AKT3: variants seen among roughly 807,000 people sequenced by gnomAD.
AKT3 encodes RAC-gamma serine/threonine-protein kinase.
In AKT3, 15 loss-of-function variants were observed where a neutral mutation model predicts 65.3. That is an observed-to-expected ratio of 0.23 (90% CI 0.15 to 0.35). The LOEUF (loss-of-function observed/expected upper bound fraction) is 0.35, where lower values mean the gene tolerates loss of function less well. Ranked by LOEUF, AKT3 falls within the 10% of genes least tolerant of loss-of-function variation. The probability of loss-of-function intolerance (pLI) is 1.00; values close to 1 mark genes in which losing one functional copy is unlikely to be tolerated. For missense variants in AKT3, 243 were observed against 576.5 expected, an observed-to-expected ratio of 0.42 and a Z score of 5.92; for synonymous variants, 206 against 183.8, an observed-to-expected ratio of 1.12 and a Z score of -0.98.
chr1:243,835,484 GAAC>G (rs1441575256), intron 2 of AKT3, among the ~76,000 whole-genome samples: 1 of 151,788 alleles, frequency 6.6e-6, no homozygotes, highest in Non-Finnish European at 1.5e-5. Flanking sequence ...CACTACCTTA[GAAC>G]AATACCTAAA....
At chr1:243,660,887 A>C (rs1202071527) in intron 4 of AKT3, among the ~76,000 whole-genome samples, 1 of 152,260 alleles carries the variant, frequency 6.6e-6, no homozygotes, top group Non-Finnish European at 1.5e-5. Flanking sequence ...ATCAATGTAC[A>C]GAAATCACAA....
intron 10 of AKT3, among the ~76,000 whole-genome samples, chr1:243,553,688 A>T (rs1673224851): frequency 6.6e-6 from 1 of 152,184 alleles, no homozygotes; most frequent in Non-Finnish European, 1.5e-5. Flanking sequence ...TATTACACGT[A>T]AAATAAATTT....
At chr1:243,527,897 A>AAG (rs1315746479) in intron 12 of AKT3, among the ~76,000 whole-genome samples, 27 of 109,586 alleles carry the variant, frequency 2.5e-4, no homozygotes, top group African/African-American at 9.6e-4. Context: ...ACACACACAC[A>AAG]CACACACACA....
At chr1:243,542,107 C>CT (rs1421608353) in intron 12 of AKT3, among the ~76,000 whole-genome samples, 4 of 152,164 alleles carry the variant, frequency 2.6e-5, no homozygotes, top group African/African-American at 9.7e-5. Flanking sequence ...TCAGCTCTTC[C>CT]TAAATTTATC....
intron 8 of AKT3, among the ~76,000 whole-genome samples, chr1:243,613,192 C>T (rs1678030847): frequency 2.0e-5 from 3 of 149,208 alleles, no homozygotes; most frequent in Non-Finnish European, 4.5e-5. Flanking sequence ...TATACATACA[C>T]ACACACACAT....
Position 243,623,771 on chromosome 1 carries a change from T to C in AKT3, c.562-8610A>G, listed in dbSNP as rs533480763. On this transcript the variant is annotated intron_variant, in intron 6 of 13. Transcript: ENST00000673466. ...CATCCCAAGGTCTCCAGCTTCCAGA[T>C]GGCCTGTCTTGGGAATTTTCAACCT... Among the ~76,000 whole-genome samples the C allele has an allele frequency of 3.9e-5, 6 of 152,310 alleles. No individual in the cohort carries two copies. The East Asian group carries it at 1.2e-3, about 29-fold the overall frequency.
At chr1:243,721,406 A>T (rs971637018) in intron 2 of AKT3, among the ~76,000 whole-genome samples, 1 of 152,158 alleles carries the variant, frequency 6.6e-6, no homozygotes, top group Admixed American at 6.5e-5. Context: ...CTATTTCTAC[A>T]TAGCTGTCCA....
intron 10 of AKT3, among the ~76,000 whole-genome samples, chr1:243,558,579 AT>A (rs1409061975): frequency 1.3e-5 from 2 of 152,022 alleles, no homozygotes; most frequent in African/African-American, 2.4e-5. Context: ...AATTAGATGC[AT>A]TTTTTTCTCA....
chr1:243,556,819 A>G (rs1292395620), intron 10 of AKT3, among the ~76,000 whole-genome samples: 1 of 152,174 alleles, frequency 6.6e-6, no homozygotes, highest in Non-Finnish European at 1.5e-5. Context: ...AAAAAGACCT[A>G]TAAATCTTCT....
At chr1:243,686,650 T>TATATATATATATATATATATATATA (rs1558719596) in intron 3 of AKT3, among the ~76,000 whole-genome samples, 3 of 32,470 alleles carry the variant, frequency 9.2e-5, no homozygotes, top group African/African-American at 3.0e-4. Context: ...TATATATATA[T>TATATATATATATATATATATATATA]ATTTTTTTTT....
intron 6 of AKT3, among the ~76,000 whole-genome samples, chr1:243,626,080 C>T (rs904936172): frequency 2.0e-5 from 3 of 152,092 alleles, no homozygotes; most frequent in Admixed American, 6.6e-5. Flanking sequence ...CTTAATATGC[C>T]CTTTAAATCA....
chr1:243,788,163 C>G (rs571365595), intron 2 of AKT3, among the ~76,000 whole-genome samples: 1 of 152,168 alleles, frequency 6.6e-6, no homozygotes, highest in East Asian at 1.9e-4. Flanking sequence ...GGAAATGGTA[C>G]ATGGATGGTA....
intron 5 of AKT3, among the ~76,000 whole-genome samples, chr1:243,640,656 T>C (rs1014948167): frequency 1.3e-5 from 2 of 152,050 alleles, no homozygotes; most frequent in Non-Finnish European, 2.9e-5. Flanking sequence ...CAAGACACCA[T>C]AGCCAACAGT....
chr1:243,833,143 C>T lies in AKT3; in HGVS notation c.46+9982G>A, dbSNP rs188877846. Among the ~76,000 whole-genome samples the T allele has an allele frequency of 2.7e-4, 41 of 152,110 alleles. No individual in the cohort carries two copies. In the East Asian group the frequency reaches 7.6e-3, roughly 28 times the overall value. On this transcript the variant is annotated intron_variant, in intron 2 of 13. Transcript: ENST00000673466. The stretch of plus-strand genomic sequence containing the variant: ...AGGCACAGTGGCACACACCTATAGT[C>T]CCAGAGGCTGAGGCAGGAGAATTGT...
At chr1:243,594,071 G>A (rs147749143) in intron 8 of AKT3, among the ~76,000 whole-genome samples, 1 of 152,234 alleles carries the variant, frequency 6.6e-6, no homozygotes, top group Admixed American at 6.5e-5. Context: ...TAGAAAAAGG[G>A]TTTCTAGAAC....
intron 2 of AKT3, among the ~76,000 whole-genome samples, chr1:243,819,792 G>A (rs977765645): frequency 1.2e-4 from 19 of 152,362 alleles, no homozygotes; most frequent in Non-Finnish European, 2.2e-4. Flanking sequence ...AGAGGAAGGA[G>A]TAGGCAGCCA....
chr1:243,818,993 T>C (rs902793051), intron 2 of AKT3, among the ~76,000 whole-genome samples: 1 of 152,342 alleles, frequency 6.6e-6, no homozygotes, highest in Admixed American at 6.5e-5. Context: ...AACCATGTTT[T>C]TTCCACAGAT....
chr1:243,631,216 AGTT>A (rs1420290057), intron 6 of AKT3, among the ~76,000 whole-genome samples: 4 of 152,306 alleles, frequency 2.6e-5, no homozygotes, highest in Admixed American at 2.0e-4. Context: ...GCCCTCAGCA[AGTT>A]GTTATCTTTT....
At chr1:243,644,150 A>G (rs551837036) in intron 5 of AKT3, among the ~76,000 whole-genome samples, 13 of 152,180 alleles carry the variant, frequency 8.5e-5, no homozygotes, top group African/African-American at 3.1e-4. Context: ...CTTGGTTCAT[A>G]TATCTTGAGC....
Sources: gnomAD v4.1 joint callset for allele counts (sites outside exome capture counted in the v4.1 genomes callset) on GRCh38, gnomAD v4.1.1 for gene constraint, MANE v1.5 for transcripts, NCBI Gene and HGNC (gene_info 2026-07-23, HGNC 2026-07-21) for gene names.